Variants in INPP1 observed in about 807,000 individuals in gnomAD.
The protein encoded by INPP1 is inositol polyphosphate 1-phosphatase.
Under a neutral mutation model 23.0 loss-of-function variants are expected in INPP1, and 18 were observed. That is an observed-to-expected ratio of 0.78 (90% CI 0.54 to 1.16). INPP1 has a LOEUF of 1.16. Ranked by LOEUF, INPP1 falls within the 50% of genes most tolerant of loss-of-function variation. The pLI is 0.00. For missense variants in INPP1, 448 were observed against 482.1 expected, an observed-to-expected ratio of 0.93 and a Z score of 0.66; for synonymous variants, 164 against 176.3, an observed-to-expected ratio of 0.93 and a Z score of 0.55.
intron 2 of INPP1, among the ~76,000 whole-genome samples, 158 bp downstream of exon 2, chr2:190,349,189 G>C (rs1019099094): frequency 6.6e-6 from 1 of 152,234 alleles, no homozygotes; most frequent in African/African-American, 2.4e-5. Context: ...TGTAATCCCA[G>C]CACTTTGGGA....
At chr2:190,370,511 T>C (rs1689779131) in intron 6 of INPP1, among the ~76,000 whole-genome samples, 1 of 152,236 alleles carries the variant, frequency 6.6e-6, no homozygotes, top group Non-Finnish European at 1.5e-5. Context: ...CCTTTTTCCC[T>C]ACTAAACTTT....
In INPP1 at chr2:190,344,837, G is replaced by C. The variant is rs529606223; in HGVS notation, c.-209+876G>C. ...ACTTCAAAAGAACAGTGGGTTAAAA[G>C]TATGGACAGACCACTTAAGTGGATC... On this transcript the variant is annotated intron_variant, in intron 1 of 6. Coordinates refer to ENST00000392329, the MANE Select transcript of INPP1 (RefSeq NM_001128928.2). Among the ~76,000 whole-genome samples the C allele has an allele frequency of 3.9e-5, 6 of 152,356 alleles. No individual in the cohort carries two copies. In the South Asian group the frequency reaches 1.0e-3, roughly 26 times the overall value.
chr2:190,351,017 C>T (rs1156551631), intron 2 of INPP1, among the ~76,000 whole-genome samples: 2 of 152,190 alleles, frequency 1.3e-5, no homozygotes, highest in African/African-American at 4.8e-5. Flanking sequence ...TGATAAAATC[C>T]AAGTACAATA....
rs796196740 is a variant in INPP1, at chr2:190,364,606, T to TTTTTTTTTTTTTTTG, written c.265+1919_265+1920insTTTTTTTTTTTTTTG. Among the ~76,000 whole-genome samples the TTTTTTTTTTTTTTTG allele has an allele frequency of 6.7e-4, 65 of 96,336 alleles. 6 individuals carry two copies. Among genetic ancestry groups the TTTTTTTTTTTTTTTG allele is most frequent in the African/African-American group, 1.7e-3 (39 of 22,992 alleles). 63.2% of individuals were successfully genotyped at this position (96,336 alleles called of 152,430 possible). A position where few individuals can be genotyped will look rare whatever the true frequency, so the allele number is the denominator to read the frequency against. On this transcript the variant is annotated intron_variant, in intron 4 of 6. Transcript: ENST00000392329. The stretch of plus-strand genomic sequence containing the variant: ...GAGGTTCTGATTTTTTTTTTTTTTT[T>TTTTTTTTTTTTTTTG]GTTAGATGGAGTCTCCCTCTGTTGC...
chr2:190,354,628 GAC>G lies in INPP1; in HGVS notation c.-64-5408_-64-5407del, dbSNP rs1359522191. On this transcript the variant is annotated intron_variant, in intron 2 of 6. Coordinates refer to ENST00000392329, the MANE Select transcript of INPP1 (RefSeq NM_001128928.2). This position sits in a 1 kb window ranked among gnomAD's most constrained non-coding sequence, Gnocchi z 4.8. ...AGCCTCAGGAGAAACCAGTCCTGCT[GAC>G]ACCTTGCTCTTGGACTTCCAGTCCC... Among the ~76,000 whole-genome samples the G allele has an allele frequency of 1.3e-5, 2 of 152,228 alleles. No homozygotes were observed. Among genetic ancestry groups the G allele is most frequent in the African/African-American group, 4.8e-5 (2 of 41,460 alleles).
chr2:190,369,797 G>A (rs928482075), intron 6 of INPP1, among the ~76,000 whole-genome samples: 2 of 152,212 alleles, frequency 1.3e-5, no homozygotes, highest in East Asian at 1.9e-4. Context: ...TAAACAGAGC[G>A]TAGAAAGTGG....
chr2:190,350,247 GAA>G (rs1294335684), intron 2 of INPP1, among the ~76,000 whole-genome samples: 1 of 152,220 alleles, frequency 6.6e-6, no homozygotes, highest in Non-Finnish European at 1.5e-5. Flanking sequence ...CGTTACTACA[GAA>G]TACTTACTAT....
rs1689720586 is a variant in INPP1 at position 190,368,103 on chromosome 2, A to G, written c.467-1000A>G. On this transcript the variant is annotated intron_variant, in intron 5 of 6. Transcript: ENST00000392329. This position sits in a 1 kb window ranked among gnomAD's most constrained non-coding sequence, Gnocchi z 4.3. ...AGTGGATGATATATGGAAACTAAAA[A>G]CCTTTCCCCAAATCTTTGATCATTT... Among the ~76,000 whole-genome samples, 1 of 152,082 alleles carries G rather than the reference A, an allele frequency of 6.6e-6. No homozygotes were observed. Among genetic ancestry groups the G allele is most frequent in the Admixed American group, 6.5e-5 (1 of 15,270 alleles).
chr2:190,348,398 T>C (rs1390760663), intron 1 of INPP1, among the ~76,000 whole-genome samples: 2 of 152,202 alleles, frequency 1.3e-5, no homozygotes, highest in Non-Finnish European at 2.9e-5. Context: ...AAAAGATATC[T>C]AATATCAAAT....
chr2:190,361,272 T>C (rs1239516117), intron 3 of INPP1, among the ~76,000 whole-genome samples: 1 of 152,214 alleles, frequency 6.6e-6, no homozygotes, highest in Non-Finnish European at 1.5e-5. Context: ...TTTTATATGA[T>C]AATCTAACCA....
rs1689335536 is a variant in INPP1, at chr2:190,352,154, G to A, written c.-65+3123G>A. 6.6e-6 allele frequency among the ~76,000 whole-genome samples: 1 copy of A among 152,184 alleles called. No individual in the cohort carries two copies. Among genetic ancestry groups the A allele is most frequent in the East Asian group, 1.9e-4 (1 of 5,192 alleles). ...GCCCTTGAACTGATTCTGAGAAGGT[G>A]AGTGAGCATTAGGTCGAGAAAGCAG... On this transcript the variant is annotated intron_variant, in intron 2 of 6. Transcript: ENST00000392329. The surrounding 1 kb of genome is among the most constrained non-coding windows in gnomAD (Gnocchi z 4.7).
rs1689217736 is a variant in INPP1 at position 190,346,480 on chromosome 2, T to C, written c.-208-2408T>C. Among the ~76,000 whole-genome samples, 1 of 152,256 alleles carries C rather than the reference T, an allele frequency of 6.6e-6. No individual in the cohort carries two copies. The highest frequency in any genetic ancestry group is 1.5e-5 in the Non-Finnish European group (1 of 68,044). On this transcript the variant is annotated intron_variant, in intron 1 of 6. Coordinates refer to ENST00000392329, the MANE Select transcript of INPP1 (RefSeq NM_001128928.2). The surrounding 1 kb of genome is among the most constrained non-coding windows in gnomAD (Gnocchi z 5.1). ...AACATATTTTTGCATGTTTAGTCTT[T>C]TTTATGTGGTATGTAATGTTAATTC...
chr2:190,352,809 G>A lies in INPP1; in HGVS notation c.-65+3778G>A, dbSNP rs1252591603. On this transcript the variant is annotated intron_variant, in intron 2 of 6. Coordinates refer to ENST00000392329, the MANE Select transcript of INPP1 (RefSeq NM_001128928.2). This position sits in a 1 kb window ranked among gnomAD's most constrained non-coding sequence, Gnocchi z 4.7. ...GGACAGCTGTACCCCCTTGGAAAAG[G>A]TCATGAGAAACACCTTCTTGTAAAA... is the stretch of plus-strand genomic sequence containing the variant. Among the ~76,000 whole-genome samples the A allele has an allele frequency of 6.6e-6, 1 of 152,184 alleles. No homozygotes were observed. Among genetic ancestry groups the A allele is most frequent in the Non-Finnish European group, 1.5e-5 (1 of 68,044 alleles).
chr2:190,366,992 G>A, intron 5 of INPP1, 97 bp downstream of exon 5: 1 of 737,316 alleles, frequency 1.4e-6, no homozygotes, highest in Non-Finnish European at 2.3e-6. Context: ...ATTGAGTGTA[G>A]TTTAACTCTG....
chr2:190,365,315 A>G (rs997704028), intron 4 of INPP1, among the ~76,000 whole-genome samples: 1 of 152,248 alleles, frequency 6.6e-6, no homozygotes, highest in African/African-American at 2.4e-5. Context: ...AAGTTTTACT[A>G]CATTTAAAGA....
chr2:190,362,206 T>C (rs2067418), intron 3 of INPP1, among the ~76,000 whole-genome samples: 32,770 of 152,160 alleles, frequency 0.22, 3,893 homozygotes, highest in East Asian at 0.41. Context: ...TTCTATCCAG[T>C]CTCAAGTCGT....
chr2:190,344,571 G>A (rs1689180634), intron 1 of INPP1, among the ~76,000 whole-genome samples: 2 of 152,206 alleles, frequency 1.3e-5, no homozygotes. Flanking sequence ...AGGTGGTTTT[G>A]TGAGGTGTGC....
rs545389018 is a variant in INPP1 at position 190,356,571 on chromosome 2, T to G, written c.-64-3468T>G. ...ACCAGGGTTAAATTGATGAGCTTTC[T>G]GCGTGAAAGAAGGGAGTGGTGGTGA... On this transcript the variant is annotated intron_variant, in intron 2 of 6. Transcript: ENST00000392329. This position sits in a 1 kb window ranked among gnomAD's most constrained non-coding sequence, Gnocchi z 6.4. 6 of 152,334 alleles carry G rather than the reference T, an allele frequency of 3.9e-5. No individual in the cohort carries two copies. Among genetic ancestry groups the G allele is most frequent in the African/African-American group, 1.4e-4 (6 of 41,568 alleles). 9.4% of individuals were successfully genotyped at this position (152,334 alleles called of 1,614,324 possible).
intron 2 of INPP1, among the ~76,000 whole-genome samples, chr2:190,351,641 C>T (rs549357440): frequency 2.0e-5 from 3 of 152,202 alleles, no homozygotes; most frequent in Non-Finnish European, 4.4e-5. Flanking sequence ...TGCCTATTGT[C>T]GCAATTCATT....
Sources: allele counts gnomAD v4.1 joint callset (sites outside exome capture counted in the v4.1 genomes callset), GRCh38; gene constraint gnomAD v4.1.1; non-coding constraint Gnocchi (gnomAD v3.1); transcripts MANE v1.5; gene names NCBI Gene and HGNC (gene_info 2026-07-23, HGNC 2026-07-21).